Variants in NELL1 observed in about 807,000 individuals in gnomAD.
NELL1 encodes neural EGFL like 1.
In NELL1, 76 loss-of-function variants were observed where a neutral mutation model predicts 107.4. The ratio of observed to expected loss-of-function variants is 0.71; its 90% CI spans 0.59 to 0.86. The LOEUF (loss-of-function observed/expected upper bound fraction) is 0.86, where lower values mean the gene tolerates loss of function less well. Ranked by LOEUF, NELL1 falls within the 40% of genes least tolerant of loss-of-function variation. NELL1 has a pLI of 0.00. For synonymous variants in NELL1, 353 were observed against 341.2 expected, an observed-to-expected ratio of 1.03 and a Z score of -0.38; for missense variants, 1,024 against 1,005.5, an observed-to-expected ratio of 1.02 and a Z score of -0.25.
intron 2 of NELL1, among the ~76,000 whole-genome samples, chr11:20,741,770 G>C (rs374281475): frequency 2.6e-5 from 4 of 152,194 alleles, no homozygotes; most frequent in Non-Finnish European, 5.9e-5. Context: ...TTCTGGGACC[G>C]TGTTTCCACA....
At chr11:21,567,723 A>G (rs77304118) in intron 17 of NELL1, among the ~76,000 whole-genome samples, 1,824 of 151,982 alleles carry the variant, frequency 0.012, 32 homozygotes, top group African/African-American at 0.042. Context: ...GATAAAGTAG[A>G]TAAAGACCCT....
chr11:20,991,525 G>T (rs1023745634), intron 12 of NELL1, among the ~76,000 whole-genome samples: 1 of 152,122 alleles, frequency 6.6e-6, no homozygotes, highest in Non-Finnish European at 1.5e-5. Context: ...TAGATCTTGG[G>T]CTAGAATTAA....
rs1296610500 is a variant in NELL1 at position 20,774,134 on chromosome 11, G to A, written c.185-9546G>A. 1.1e-4 allele frequency among the ~76,000 whole-genome samples: 4 copies of A among 37,732 alleles called. 1 individual carries two copies. The highest frequency in any genetic ancestry group is 2.5e-4 in the African/African-American group (2 of 7,886). The allele number at this position is 37,732 out of a possible 152,430, so 24.8% of individuals were successfully genotyped here. ...CCTTCCTTTCTCCCTCCCTCCCTCC[G>A]TCCCTCCCTTCTTTCCTCCATCCCT... On this transcript the variant is annotated intron_variant, in intron 2 of 19. Coordinates refer to ENST00000357134, the MANE Select transcript of NELL1 (RefSeq NM_006157.5).
At chr11:20,833,107 A>C (rs1404067196) in intron 3 of NELL1, among the ~76,000 whole-genome samples, 1 of 152,306 alleles carries the variant, frequency 6.6e-6, no homozygotes, top group East Asian at 1.9e-4. Flanking sequence ...TGGCTTAGGC[A>C]TCATTGTCCT....
intron 2 of NELL1, among the ~76,000 whole-genome samples, chr11:20,751,023 A>AAC (rs3045482): frequency 0.21 from 29,411 of 142,460 alleles, 3,029 homozygotes; most frequent in African/African-American, 0.31. Flanking sequence ...TTATTTGTCT[A>AAC]TGTGTGTGTG....
At chr11:20,755,897 T>G (rs1204537676) in intron 2 of NELL1, among the ~76,000 whole-genome samples, 2,289 of 48,232 alleles carry the variant, frequency 0.047, 170 homozygotes, top group African/African-American at 0.1. Flanking sequence ...TTTTTTTTTT[T>G]TTTTTTTTTT....
intron 13 of NELL1, among the ~76,000 whole-genome samples, chr11:21,209,332 TA>T (rs1416083909): frequency 1.3e-4 from 1 of 7,568 alleles, no homozygotes; most frequent in East Asian, 0.071. Flanking sequence ...ATGTATATAT[TA>T]TATATATATA....
At chr11:20,690,395 C>A (rs894141088) in intron 2 of NELL1, among the ~76,000 whole-genome samples, 4 of 152,172 alleles carry the variant, frequency 2.6e-5, no homozygotes, top group Non-Finnish European at 4.4e-5. Flanking sequence ...GGGTTTTCTT[C>A]TAGGGTTTTT....
chr11:21,166,822 C>T (rs556775808), intron 13 of NELL1, among the ~76,000 whole-genome samples: 1 of 151,890 alleles, frequency 6.6e-6, no homozygotes, highest in East Asian at 1.9e-4. Context: ...GCTAGTTGAC[C>T]ACTCACTAAA....
At chr11:20,945,434 G>T (rs533816099) in intron 10 of NELL1, among the ~76,000 whole-genome samples, 21 of 152,324 alleles carry the variant, frequency 1.4e-4, no homozygotes, top group Admixed American at 1.2e-3. Context: ...GGGCAAAATG[G>T]CTCCATTGCC....
intron 12 of NELL1, among the ~76,000 whole-genome samples, chr11:20,965,293 A>G (rs770072393): frequency 1.3e-5 from 2 of 152,212 alleles, no homozygotes; most frequent in Non-Finnish European, 1.5e-5. Flanking sequence ...TGCATGTCAG[A>G]AATTTAGCAA....
At chr11:21,407,369 T>C (rs1019011488) in intron 15 of NELL1, among the ~76,000 whole-genome samples, 1 of 152,028 alleles carries the variant, frequency 6.6e-6, no homozygotes, top group Non-Finnish European at 1.5e-5. Context: ...TAAGCCTTGA[T>C]TGCACAACTG....
chr11:21,546,148 C>T (rs975787330), intron 16 of NELL1, among the ~76,000 whole-genome samples: 4 of 151,912 alleles, frequency 2.6e-5, no homozygotes, highest in Non-Finnish European at 4.4e-5. Context: ...TACCAGGATC[C>T]GGCCTCAATG....
chr11:21,161,395 G>T (rs1856365632), intron 13 of NELL1, among the ~76,000 whole-genome samples: 1 of 152,124 alleles, frequency 6.6e-6, no homozygotes, highest in African/African-American at 2.4e-5. Context: ...AACTTAGCTG[G>T]GTGTAGTGGC....
At chr11:21,373,441 A>G (rs1851400712) in intron 15 of NELL1, among the ~76,000 whole-genome samples, 1 of 152,078 alleles carries the variant, frequency 6.6e-6, no homozygotes, top group African/African-American at 2.4e-5. Context: ...TAAATCTTTC[A>G]TTTGATTTGT....
rs114881258 is a variant in NELL1 at position 20,858,242 on chromosome 11, G to A, written c.506+10489G>A. Among the ~76,000 whole-genome samples the A allele has an allele frequency of 7.6e-4, 115 of 152,252 alleles. 1 individual carries two copies. The highest frequency in any genetic ancestry group is 2.6e-3 in the African/African-American group (110 of 41,558). On this transcript the variant is annotated intron_variant, in intron 4 of 19. Transcript: ENST00000357134. ...TACCCCTAGACCCTGAGCCATCACC[G>A]TTTAAGGAAGTGCACCCCCCTATTT...
At chr11:20,848,886 A>G (rs1848747997) in intron 4 of NELL1, among the ~76,000 whole-genome samples, 1 of 152,194 alleles carries the variant, frequency 6.6e-6, no homozygotes, top group Non-Finnish European at 1.5e-5. Flanking sequence ...GTCCATTTTG[A>G]TATGACCTAT....
At chr11:21,101,863 C>T (rs1854825177) in intron 12 of NELL1, among the ~76,000 whole-genome samples, 1 of 152,046 alleles carries the variant, frequency 6.6e-6, no homozygotes, top group African/African-American at 2.4e-5. Flanking sequence ...ACGTTTCTTT[C>T]TTTCTTTCTT....
chr11:20,934,682 A>G (rs973152156), intron 9 of NELL1, among the ~76,000 whole-genome samples: 2 of 152,246 alleles, frequency 1.3e-5, no homozygotes, highest in African/African-American at 4.8e-5. Context: ...ACAACAGTGC[A>G]CTTAGCAGAA....
Sources: allele counts gnomAD v4.1 joint callset (sites outside exome capture counted in the v4.1 genomes callset), GRCh38; gene constraint gnomAD v4.1.1; transcripts MANE v1.5; gene names NCBI Gene and HGNC (gene_info 2026-07-23, HGNC 2026-07-21).